SYBU: variants seen among roughly 807,000 people sequenced by gnomAD.
The protein encoded by SYBU is GOLSYN A protein.
Under a neutral mutation model 35.9 loss-of-function variants are expected in SYBU, and 21 were observed. The observed-to-expected ratio is 0.58, with a 90% CI of 0.41 to 0.84. The LOEUF (loss-of-function observed/expected upper bound fraction) is 0.84, where lower values mean the gene tolerates loss of function less well. SYBU is among the 40% of genes least tolerant of loss of function. SYBU has a pLI of 0.00. For synonymous variants in SYBU, 319 were observed against 324.3 expected (o/e 0.98, Z 0.18); for missense variants, 768 against 848.2 (o/e 0.91, Z 1.17).
At chr8:109,686,607 G>T (rs931371352) in intron 1 of SYBU, among the ~76,000 whole-genome samples, 4 of 152,156 alleles carry the variant, frequency 2.6e-5, no homozygotes, top group African/African-American at 9.7e-5. Context: ...AAGAGAACAG[G>T]TTAATATTAC....
intron 2 of SYBU, among the ~76,000 whole-genome samples, chr8:109,631,216 C>G (rs1813589642): frequency 6.6e-6 from 1 of 152,094 alleles, no homozygotes; most frequent in Non-Finnish European, 1.5e-5. Context: ...AGGAAGGGAG[C>G]TCTTTTTTCT....
At chr8:109,670,314 T>C (rs1375550175) in intron 1 of SYBU, among the ~76,000 whole-genome samples, 1 of 151,882 alleles carries the variant, frequency 6.6e-6, no homozygotes, top group Non-Finnish European at 1.5e-5. Context: ...TTGTTACATA[T>C]GTATACATGC....
Position 109,691,552 on chromosome 8 carries a change from C to A in SYBU, c.-277G>T. On this transcript the variant is annotated 5_prime_UTR_variant, in exon 1 of 8. Coordinates refer to the SYBU transcript ENST00000422135. This position sits in a 1 kb window ranked among gnomAD's most constrained non-coding sequence, Gnocchi z 4.7. ...GGAATCCCTTGCGCTCCGGTGCCCT[C>A]GGCCCCTCGGCCTCTGCAGCCAGCC... 2.2e-6 allele frequency: 1 copy of A among 449,540 alleles called. No individual in the cohort carries two copies. Among genetic ancestry groups the A allele is most frequent in the East Asian group, 3.7e-5 (1 of 26,772 alleles). The allele number at this position is 449,540 out of a possible 1,614,324, so 27.8% of individuals were successfully genotyped here.
rs150647347 is a variant in SYBU at position 109,621,326 on chromosome 8, G to A, written c.230-2287C>T. 5.8e-3 allele frequency among the ~76,000 whole-genome samples: 889 copies of A among 152,326 alleles called. 4 individuals are homozygous for A. Among genetic ancestry groups the A allele is most frequent in the African/African-American group, 0.018 (758 of 41,572 alleles). On this transcript the variant is annotated intron_variant, in intron 2 of 6. Transcript: ENST00000276646. Reference sequence around the variant, plus strand: ...AAAATTTGAGAACTGAAATTATTTAGAGTGGTGGCAGTGTGTAAGAGGCAG... The same window carrying A: ...AAAATTTGAGAACTGAAATTATTTAAAGTGGTGGCAGTGTGTAAGAGGCAG...
At chr8:109,629,009 A>G (rs1813289687) in intron 2 of SYBU, among the ~76,000 whole-genome samples, 1 of 152,190 alleles carries the variant, frequency 6.6e-6, no homozygotes, top group African/African-American at 2.4e-5. Context: ...AAAACAAGGA[A>G]AAGAATTCCA....
At chr8:109,591,735 A>T (rs1586762520) in intron 3 of SYBU, among the ~76,000 whole-genome samples, 1 of 151,516 alleles carries the variant, frequency 6.6e-6, no homozygotes, top group Middle Eastern at 3.4e-3. Flanking sequence ...GATGGTCTCG[A>T]TCTCCTGACC....
intron 1 of SYBU, among the ~76,000 whole-genome samples, chr8:109,673,536 A>G (rs1817067943): frequency 6.6e-6 from 1 of 152,256 alleles, no homozygotes; most frequent in African/African-American, 2.4e-5. Context: ...AAGAATCACC[A>G]GCATCAAAGA....
At chr8:109,581,757 C>G (rs1823054898) in intron 4 of SYBU, among the ~76,000 whole-genome samples, 1 of 152,158 alleles carries the variant, frequency 6.6e-6, no homozygotes, top group Non-Finnish European at 1.5e-5. Flanking sequence ...GCTTCAAAAC[C>G]ATGATCACTT....
chr8:109,674,295 G>A (rs1218395072), intron 1 of SYBU, among the ~76,000 whole-genome samples: 4 of 151,818 alleles, frequency 2.6e-5, no homozygotes, highest in Non-Finnish European at 4.4e-5. Context: ...GAAAGGTCAG[G>A]TTACTCACAA....
chr8:109,658,458 A>C (rs1055846517), intron 1 of SYBU, among the ~76,000 whole-genome samples: 1 of 152,228 alleles, frequency 6.6e-6, no homozygotes, highest in African/African-American at 2.4e-5. Context: ...GCAAAAATGT[A>C]AACAAAGCCA....
rs998806378 is a variant in SYBU, at chr8:109,628,943, C to G, written c.230-9904G>C. 1.8e-4 allele frequency among the ~76,000 whole-genome samples: 27 copies of G among 151,702 alleles called. 1 individual carries two copies. Among genetic ancestry groups the G allele is most frequent in the Admixed American group, 1.2e-3 (19 of 15,246 alleles). On this transcript the variant is annotated intron_variant, in intron 2 of 6. Coordinates refer to ENST00000276646, the MANE Select transcript of SYBU (RefSeq NM_001099754.2). ...TGTCATAGAAGGCTCCTGAAGAGGT[C>G]TTTTGACCCTAAACCAAAAAAAAAT...
intron 2 of SYBU, among the ~76,000 whole-genome samples, chr8:109,635,829 T>C (rs1814165219): frequency 6.6e-6 from 1 of 152,216 alleles, no homozygotes; most frequent in Non-Finnish European, 1.5e-5. Flanking sequence ...AAATTATAAA[T>C]TTGATCATAA....
intron 1 of SYBU, among the ~76,000 whole-genome samples, chr8:109,672,211 AT>A (rs1467875239): frequency 1.3e-5 from 2 of 152,044 alleles, no homozygotes; most frequent in African/African-American, 4.8e-5. Flanking sequence ...AAAATACATT[AT>A]GTAATTTAAA....
At chr8:109,585,070 A>C (rs538791037) in intron 4 of SYBU, among the ~76,000 whole-genome samples, 7 of 152,328 alleles carry the variant, frequency 4.6e-5, no homozygotes, top group African/African-American at 1.7e-4. Flanking sequence ...AGTGTTTTTA[A>C]AAATAATTAT....
chr8:109,644,764 G>C lies in SYBU; in HGVS notation c.-105C>G. ...CTGCGCTGAGCCGGCGCGGGCTGCG[G>C]GCGGCGGCTCTTGGTGAGGCTCCAA... On this transcript the variant is annotated 5_prime_UTR_variant, in exon 1 of 7. Coordinates refer to ENST00000276646, the MANE Select transcript of SYBU (RefSeq NM_001099754.2). 8.6e-7 allele frequency: 1 copy of C among 1,167,272 alleles called. No homozygotes were observed. Among genetic ancestry groups the C allele is most frequent in the Non-Finnish European group, 1.1e-6 (1 of 901,542 alleles). 72.3% of individuals were successfully genotyped at this position (1,167,272 alleles called of 1,614,324 possible). A position where few individuals can be genotyped will look rare whatever the true frequency, so the allele number is the denominator to read the frequency against.
chr8:109,587,256 A>G (rs754298572), intron 3 of SYBU, among the ~76,000 whole-genome samples: 3 of 152,204 alleles, frequency 2.0e-5, no homozygotes, highest in Non-Finnish European at 4.4e-5. Context: ...GTGAACAATA[A>G]TTATCATAAC....
chr8:109,619,822 G>A (rs558910653), intron 2 of SYBU, among the ~76,000 whole-genome samples: 47 of 152,212 alleles, frequency 3.1e-4, no homozygotes, highest in Middle Eastern at 6.8e-3. Flanking sequence ...CCGACTTTAG[G>A]GTTCAAAGAA....
upstream of SYBU, chr8:109,646,889 T>C (rs1815754744): frequency 6.6e-6 from 1 of 152,226 alleles, no homozygotes; most frequent in African/African-American, 2.4e-5. Flanking sequence ...ATTACTTCTG[T>C]CCACTATTTG....
chr8:109,630,841 T>C (rs1170394894), intron 2 of SYBU, among the ~76,000 whole-genome samples: 1 of 152,180 alleles, frequency 6.6e-6, no homozygotes, highest in Non-Finnish European at 1.5e-5. Context: ...ATCATCACCC[T>C]ACAGGTGAGA....
Sources: gnomAD v4.1 joint callset for allele counts (sites outside exome capture counted in the v4.1 genomes callset) on GRCh38, gnomAD v4.1.1 for gene constraint, Gnocchi (gnomAD v3.1) non-coding constraint, MANE v1.5 for transcripts, NCBI Gene and HGNC (gene_info 2026-07-23, HGNC 2026-07-21) for gene names.